CACNA2D1: variants seen among roughly 807,000 people sequenced by gnomAD.
CACNA2D1 encodes the protein calcium voltage-gated channel auxiliary subunit alpha2delta 1, also known as voltage-dependent calcium channel subunit alpha-2/delta-1.
In CACNA2D1, 53 loss-of-function variants were observed where a neutral mutation model predicts 171.5. That is an observed-to-expected ratio of 0.31 (90% CI 0.25 to 0.39). The LOEUF (loss-of-function observed/expected upper bound fraction) is 0.39. Among genes scored for constraint, CACNA2D1 ranks in the 10% least tolerant of loss-of-function variants. The probability of loss-of-function intolerance (pLI) is 1.00; values close to 1 mark genes in which losing one functional copy is unlikely to be tolerated. For synonymous variants in CACNA2D1, 442 were observed against 443.1 expected (o/e 1.00, Z 0.03); for missense variants, 903 against 1,299.8 (o/e 0.69, Z 4.69).
chr7:82,367,560 T>G (rs1370200186), intron 1 of CACNA2D1, among the ~76,000 whole-genome samples: 1 of 152,212 alleles, frequency 6.6e-6, no homozygotes. Flanking sequence ...ATTTGTCTAT[T>G]TACTTGTTTT....
In CACNA2D1 at chr7:82,048,045, A is replaced by G. The variant is rs1409752982; in HGVS notation, c.880-9810T>C. ...AATTTCTCATCTGTACACATCTACA[A>G]GACATTCACTAGACAGAAAGGATAC... is the stretch of plus-strand genomic sequence containing the variant. On this transcript the variant is annotated intron_variant, in intron 10 of 38. Coordinates refer to ENST00000356860, the MANE Select transcript of CACNA2D1 (RefSeq NM_000722.4). Among the ~76,000 whole-genome samples, 3 of 152,196 alleles carry G rather than the reference A, an allele frequency of 2.0e-5. No individual in the cohort carries two copies. In the East Asian group the frequency reaches 5.8e-4, roughly 29 times the overall value.
At chr7:82,149,226 G>A (rs1468679768) in intron 4 of CACNA2D1, among the ~76,000 whole-genome samples, 1 of 152,082 alleles carries the variant, frequency 6.6e-6, no homozygotes, top group Non-Finnish European at 1.5e-5. Context: ...TCCCTCATAA[G>A]GTTGTTGAAT....
intron 36 of CACNA2D1, among the ~76,000 whole-genome samples, chr7:81,960,047 T>A (rs1200512056): frequency 2.6e-5 from 4 of 152,076 alleles, no homozygotes; most frequent in African/African-American, 2.4e-5. Flanking sequence ...AATTGCAATA[T>A]ATGTTTTATG....
chr7:82,187,607 A>G (rs887568148), intron 3 of CACNA2D1, among the ~76,000 whole-genome samples: 1 of 152,198 alleles, frequency 6.6e-6, no homozygotes, highest in East Asian at 1.9e-4. Flanking sequence ...GCTGATAGCC[A>G]TCAATGAATT....
At chr7:82,349,672 T>C (rs758420087) in intron 1 of CACNA2D1, 23 bp from the exon 2 acceptor site, 13 of 1,562,616 alleles carry the variant, frequency 8.3e-6, no homozygotes, top group South Asian at 1.1e-5. Context: ...GAAAAGATTA[T>C]GTTCTATCAG....
intron 3 of CACNA2D1, among the ~76,000 whole-genome samples, chr7:82,245,676 A>ACACACACACACACACACT (rs3086957): frequency 0.041 from 6,028 of 145,892 alleles, 371 homozygotes; most frequent in African/African-American, 0.13. Context: ...ACACACACAC[A>ACACACACACACACACACT]CACACACACA....
intron 3 of CACNA2D1, among the ~76,000 whole-genome samples, chr7:82,316,650 A>G (rs1312905286): frequency 1.3e-5 from 2 of 152,186 alleles, no homozygotes; most frequent in African/African-American, 2.4e-5. Flanking sequence ...TCATGCTCCT[A>G]ATAAAGACAT....
intron 24 of CACNA2D1, among the ~76,000 whole-genome samples, chr7:81,982,006 A>T (rs1796489873): frequency 6.6e-6 from 1 of 152,206 alleles, no homozygotes; most frequent in African/African-American, 2.4e-5. Context: ...ATGTGTATAT[A>T]CATATTCACA....
At chr7:82,130,791 CTTTTTTTT>C (rs71093363) in intron 5 of CACNA2D1, among the ~76,000 whole-genome samples, 21,448 of 106,162 alleles carry the variant, frequency 0.2, 1,747 homozygotes, top group East Asian at 0.38. Context: ...TTGTTTTTGT[CTTTTTTTT>C]TTTTTTTTTT....
intron 3 of CACNA2D1, among the ~76,000 whole-genome samples, chr7:82,327,667 C>CTT (rs1816815574): frequency 6.6e-6 from 1 of 152,300 alleles, no homozygotes; most frequent in African/African-American, 2.4e-5. Context: ...TGGCCACTCT[C>CTT]TGAGTTTTTC....
At chr7:82,334,193 G>A (rs931522488) in intron 3 of CACNA2D1, among the ~76,000 whole-genome samples, 2 of 151,966 alleles carry the variant, frequency 1.3e-5, no homozygotes, top group South Asian at 2.1e-4. Context: ...TCCACATGTC[G>A]GCCAGAATAT....
At chr7:82,221,835 T>C (rs1433592090) in intron 3 of CACNA2D1, among the ~76,000 whole-genome samples, 1 of 150,806 alleles carries the variant, frequency 6.6e-6, no homozygotes, top group Non-Finnish European at 1.5e-5. Context: ...AGATAAGTAA[T>C]AAAATATTTT....
chr7:82,344,342 A>G (rs1222796994), intron 2 of CACNA2D1, among the ~76,000 whole-genome samples: 1 of 152,230 alleles, frequency 6.6e-6, no homozygotes, highest in Non-Finnish European at 1.5e-5. Context: ...GGCACAAAAC[A>G]GCCCCTGGCT....
chr7:82,191,624 T>C (rs747184034), intron 3 of CACNA2D1, among the ~76,000 whole-genome samples: 21 of 151,810 alleles, frequency 1.4e-4, no homozygotes, highest in Non-Finnish European at 2.8e-4. Context: ...ACAAATGTTT[T>C]ATATATTTTT....
chr7:82,002,368 T>C (rs1261177927), intron 18 of CACNA2D1, among the ~76,000 whole-genome samples: 2 of 152,158 alleles, frequency 1.3e-5, no homozygotes, highest in Non-Finnish European at 1.5e-5. Context: ...TTCCCAGTCT[T>C]CAGAACTGTG....
intron 3 of CACNA2D1, among the ~76,000 whole-genome samples, chr7:82,225,061 G>C (rs1802208165): frequency 6.6e-6 from 1 of 152,146 alleles, no homozygotes; most frequent in South Asian, 2.1e-4. Flanking sequence ...TTGTCCAAGT[G>C]ATCTTACTAC....
intron 3 of CACNA2D1, among the ~76,000 whole-genome samples, chr7:82,288,197 CTTCTT>C (rs1283385471): frequency 2.0e-5 from 3 of 152,154 alleles, no homozygotes; most frequent in East Asian, 3.9e-4. Context: ...CTGCAATTCT[CTTCTT>C]AGCATCCATT....
chr7:82,306,103 T>C (rs549137070), intron 3 of CACNA2D1, among the ~76,000 whole-genome samples: 1 of 152,236 alleles, frequency 6.6e-6, no homozygotes, highest in Admixed American at 6.5e-5. Context: ...CTCCCAGAAA[T>C]AGTCATGTGT....
At position 82,323,340 on chromosome 7, in the gene CACNA2D1, T is replaced by C. The variant is rs138362481; in HGVS notation, c.294+11795A>G. Among the ~76,000 whole-genome samples, 70 of 152,100 alleles carry C rather than the reference T, an allele frequency of 4.6e-4. 1 individual carries two copies. In the East Asian group the frequency reaches 8.7e-3, roughly 19 times the overall value. On this transcript the variant is annotated intron_variant, in intron 3 of 38. Coordinates refer to ENST00000356860, the MANE Select transcript of CACNA2D1 (RefSeq NM_000722.4). ...TCACTTTGGGATTATCTTTCAACAA[T>C]CATCAAGGATTTCACAGACTCTCAA...
Sources: gnomAD v4.1 joint callset for allele counts (sites outside exome capture counted in the v4.1 genomes callset) on GRCh38, gnomAD v4.1.1 for gene constraint, MANE v1.5 for transcripts, NCBI Gene and HGNC (gene_info 2026-07-23, HGNC 2026-07-21) for gene names.